Variants in CIMAP3 observed in about 807,000 individuals in gnomAD.
The protein encoded by CIMAP3 is ciliary microtubule associated protein 3, also known as ciliary microtubule-associated protein 3.
the CIMAP3 span, chr1:111,350,012 A>T: frequency 1.2e-6 from 1 of 865,860 alleles, no homozygotes; most frequent in East Asian, 2.5e-5. Context: ...TTTTTCCAAG[A>T]GGTTAGGCCT....
chr1:111,352,989 GTAA>G, the CIMAP3 span: 1 of 152,156 alleles, frequency 6.6e-6, no homozygotes, highest in Non-Finnish European at 1.5e-5. Context: ...GTATATAAAA[GTAA>G]TAAAGTACAA....
the CIMAP3 span, chr1:111,348,774 G>GAGATTTAATCAATTGTCTCAC: frequency 3.2e-6 from 3 of 931,032 alleles, no homozygotes; most frequent in East Asian, 8.3e-5. Flanking sequence ...GAACCATTCA[G>GAGATTTAATCAATTGTCTCAC]AGATTTAATC....
chr1:111,338,686 A>C, the CIMAP3 span, among the ~76,000 whole-genome samples: 1 of 152,164 alleles, frequency 6.6e-6, no homozygotes, highest in African/African-American at 2.4e-5. Context: ...GACCAATAAC[A>C]GGAGCTGAAA....
chr1:111,339,156 C>T, the CIMAP3 span, among the ~76,000 whole-genome samples: 18,660 of 150,474 alleles, frequency 0.12, 1,274 homozygotes, highest in African/African-American at 0.16. Context: ...ATTCAAAAAC[C>T]CTTCATGCTA....
At chr1:111,338,745 A>G in the CIMAP3 span, among the ~76,000 whole-genome samples, 1 of 152,062 alleles carries the variant, frequency 6.6e-6, no homozygotes, top group Admixed American at 6.5e-5. Flanking sequence ...CCAGGACCAG[A>G]TGGATTCACA....
At chr1:111,346,592 C>A in the CIMAP3 span, 2 of 1,608,506 alleles carry the variant, frequency 1.2e-6, no homozygotes, top group Middle Eastern at 1.7e-4. Context: ...CTGGGAATCA[C>A]GGGACTAGCC....
At chr1:111,337,106 A>G in the CIMAP3 span, among the ~76,000 whole-genome samples, 1 of 152,256 alleles carries the variant, frequency 6.6e-6, no homozygotes, top group East Asian at 1.9e-4. Context: ...TAAGCTTCAT[A>G]AATGAAGGAG....
At chr1:111,335,947 C>G in the CIMAP3 span, among the ~76,000 whole-genome samples, 1 of 152,206 alleles carries the variant, frequency 6.6e-6, no homozygotes, top group Non-Finnish European at 1.5e-5. Flanking sequence ...CTGGGAGGCA[C>G]CCCCCAGTAG....
At chr1:111,345,627 C>T in the CIMAP3 span, among the ~76,000 whole-genome samples, 2 of 152,174 alleles carry the variant, frequency 1.3e-5, no homozygotes, top group Non-Finnish European at 2.9e-5. Context: ...TAAAAATCAT[C>T]CCTGAAGGCT....
chr1:111,331,996 G>A, the CIMAP3 span, among the ~76,000 whole-genome samples: 5 of 152,316 alleles, frequency 3.3e-5, no homozygotes, highest in Admixed American at 2.6e-4. Flanking sequence ...GAGTTTCTCA[G>A]TGGCTTAGGC....
chr1:111,336,443 A>C, the CIMAP3 span, among the ~76,000 whole-genome samples: 7 of 152,314 alleles, frequency 4.6e-5, no homozygotes, highest in Admixed American at 4.6e-4. Context: ...GAAGTTAAAA[A>C]ATTTGAAAAA....
the CIMAP3 span, among the ~76,000 whole-genome samples, chr1:111,328,265 C>T: frequency 6.6e-6 from 1 of 151,978 alleles, no homozygotes; most frequent in Non-Finnish European, 1.5e-5. Flanking sequence ...ATTTTATGTC[C>T]AATTATGTGG....
chr1:111,347,553 T>C, the CIMAP3 span: 2 of 633,830 alleles, frequency 3.2e-6, no homozygotes, highest in Non-Finnish European at 5.6e-6. Flanking sequence ...AAGGTTCAGA[T>C]GGGAACACAC....
At chr1:111,346,545 C>G in the CIMAP3 span, 42 of 1,563,200 alleles carry the variant, frequency 2.7e-5, 2 homozygotes, top group South Asian at 4.7e-4. Context: ...GCCGCGCAGG[C>G]GCGCTCGGGC....
chr1:111,333,044 G>T, the CIMAP3 span, among the ~76,000 whole-genome samples: 2 of 152,196 alleles, frequency 1.3e-5, no homozygotes, highest in African/African-American at 2.4e-5. Context: ...TGTTTTTCAG[G>T]CCCTGGATGC....
chr1:111,333,679 A>C, the CIMAP3 span, among the ~76,000 whole-genome samples: 1 of 152,202 alleles, frequency 6.6e-6, no homozygotes, highest in Admixed American at 6.5e-5. Context: ...TGCAGAGGAA[A>C]GGTGTCTCCA....
chr1:111,328,483 A>G, the CIMAP3 span, among the ~76,000 whole-genome samples: 1 of 152,142 alleles, frequency 6.6e-6, no homozygotes, highest in African/African-American at 2.4e-5. Context: ...GTGGGAGTCT[A>G]TGTCTTTTTG....
chr1:111,333,273 T>A, the CIMAP3 span, among the ~76,000 whole-genome samples: 10 of 152,234 alleles, frequency 6.6e-5, no homozygotes, highest in Admixed American at 3.3e-4. Flanking sequence ...TAGATCGGGC[T>A]CCACACTGCT....
At chr1:111,325,199 C>T in the CIMAP3 span, among the ~76,000 whole-genome samples, 1 of 152,144 alleles carries the variant, frequency 6.6e-6, no homozygotes, top group Non-Finnish European at 1.5e-5. Context: ...AGGTTAGTCC[C>T]TCACTGTATA....
Sources: allele counts gnomAD v4.1 joint callset (sites outside exome capture counted in the v4.1 genomes callset), GRCh38; gene constraint gnomAD v4.1.1; transcripts MANE v1.5; gene names NCBI Gene and HGNC (gene_info 2026-07-23, HGNC 2026-07-21).